The following PDE3A variants were observed in gnomAD, a reference collection of about 807,000 sequenced individuals.
The protein encoded by PDE3A is cGMP-inhibited 3',5'-cyclic phosphodiesterase 3A.
In PDE3A, 43 loss-of-function variants were observed where a neutral mutation model predicts 98.3. The ratio of observed to expected loss-of-function variants is 0.44; its 90% CI spans 0.34 to 0.56. The LOEUF (loss-of-function observed/expected upper bound fraction) is 0.56, where lower values mean the gene tolerates loss of function less well. Among genes scored for constraint, PDE3A ranks in the 20% least tolerant of loss-of-function variants. The pLI is 0.01. For synonymous variants in PDE3A, 663 were observed against 567.9 expected, an observed-to-expected ratio of 1.17 and a Z score of -2.38; for missense variants, 1,427 against 1,440.7, an observed-to-expected ratio of 0.99 and a Z score of 0.15.
At chr12:20,584,588 A>T (rs1247064398) in intron 2 of PDE3A, among the ~76,000 whole-genome samples, 2 of 152,166 alleles carry the variant, frequency 1.3e-5, no homozygotes, top group African/African-American at 4.8e-5. Flanking sequence ...ATTTTATTTT[A>T]AAAAAATTGA....
At chr12:20,404,826 G>GTCTT (rs1944201994) in intron 1 of PDE3A, among the ~76,000 whole-genome samples, 1 of 95,106 alleles carries the variant, frequency 1.1e-5, no homozygotes, top group Non-Finnish European at 1.9e-5. Flanking sequence ...AGGTTACAGA[G>GTCTT]TTTTTTTTTT....
intron 1 of PDE3A, among the ~76,000 whole-genome samples, chr12:20,553,250 CAT>C (rs1209676384): frequency 4.1e-5 from 5 of 121,056 alleles, no homozygotes; most frequent in Admixed American, 3.6e-4. Flanking sequence ...TCTTTGAAAA[CAT>C]AAAAGCCTGC....
chr12:20,664,049 G>GT (rs1238297101), intron 15 of PDE3A, among the ~76,000 whole-genome samples: 1 of 152,032 alleles, frequency 6.6e-6, no homozygotes, highest in Non-Finnish European at 1.5e-5. Context: ...AGATCTAATG[G>GT]TTTTGTAAGG....
At chr12:20,518,927 T>A (rs1290652910) in intron 1 of PDE3A, among the ~76,000 whole-genome samples, 1 of 152,326 alleles carries the variant, frequency 6.6e-6, no homozygotes, top group Middle Eastern at 3.4e-3. Flanking sequence ...AACTGAGGAA[T>A]TGAATTTTTT....
At chr12:20,388,571 A>T (rs1427520399) in intron 1 of PDE3A, among the ~76,000 whole-genome samples, 1 of 152,154 alleles carries the variant, frequency 6.6e-6, no homozygotes, top group Non-Finnish European at 1.5e-5. Flanking sequence ...CTTATAAAAC[A>T]TGTAGGAGGA....
chr12:20,655,534 C>T (rs540944492), intron 15 of PDE3A, among the ~76,000 whole-genome samples: 2 of 152,318 alleles, frequency 1.3e-5, no homozygotes, highest in South Asian at 4.2e-4. Flanking sequence ...CCTCATCCCA[C>T]TGTTCTGCTT....
chr12:20,441,594 G>A (rs1438628295), intron 1 of PDE3A, among the ~76,000 whole-genome samples: 1 of 152,180 alleles, frequency 6.6e-6, no homozygotes, highest in Non-Finnish European at 1.5e-5. Context: ...CAACTAATAT[G>A]TGGCAGCAGA....
chr12:20,660,367 T>G (rs1024874707), intron 15 of PDE3A, among the ~76,000 whole-genome samples: 1 of 151,974 alleles, frequency 6.6e-6, no homozygotes, highest in Non-Finnish European at 1.5e-5. Context: ...AGAAGTGGGG[T>G]GCTGATATAA....
intron 1 of PDE3A, among the ~76,000 whole-genome samples, chr12:20,446,304 C>A (rs543357074): frequency 1.3e-5 from 2 of 152,238 alleles, no homozygotes; most frequent in Non-Finnish European, 2.9e-5. Context: ...TGCTTTCAGA[C>A]GGTCATGTAT....
chr12:20,596,655 C>T (rs1475444935), intron 2 of PDE3A, among the ~76,000 whole-genome samples: 1 of 152,044 alleles, frequency 6.6e-6, no homozygotes, highest in Non-Finnish European at 1.5e-5. Context: ...GCTTAAGTAT[C>T]AGAAATAGAG....
intron 1 of PDE3A, among the ~76,000 whole-genome samples, chr12:20,520,105 G>T (rs1221335368): frequency 6.6e-6 from 1 of 152,110 alleles, no homozygotes; most frequent in South Asian, 2.1e-4. Flanking sequence ...ATAGTCATTG[G>T]TATCAGTAAT....
intron 15 of PDE3A, among the ~76,000 whole-genome samples, chr12:20,668,275 G>A (rs1945374502): frequency 6.6e-6 from 1 of 152,210 alleles, no homozygotes; most frequent in African/African-American, 2.4e-5. Context: ...CTGGGGGAGG[G>A]GCGCCCGCCA....
chr12:20,424,884 C>T (rs958084321), intron 1 of PDE3A, among the ~76,000 whole-genome samples: 22 of 152,246 alleles, frequency 1.4e-4, no homozygotes, highest in African/African-American at 5.3e-4. Context: ...AACACCCACA[C>T]TGTGTTCTGT....
intron 4 of PDE3A, among the ~76,000 whole-genome samples, chr12:20,620,731 G>A (rs1944111850): frequency 6.6e-6 from 1 of 151,888 alleles, no homozygotes; most frequent in Admixed American, 6.6e-5. Context: ...TTTAGCATCA[G>A]CTCCATTGTT....
At chr12:20,645,220 G>C (rs1265790577) in intron 10 of PDE3A, among the ~76,000 whole-genome samples, 1 of 152,024 alleles carries the variant, frequency 6.6e-6, no homozygotes, top group Non-Finnish European at 1.5e-5. Flanking sequence ...CTTCTGATGA[G>C]ATCTTTTCAA....
chr12:20,677,276 T>G (rs1405296674), intron 15 of PDE3A, among the ~76,000 whole-genome samples: 1 of 152,182 alleles, frequency 6.6e-6, no homozygotes, highest in African/African-American at 2.4e-5. Flanking sequence ...CTCACTGAGA[T>G]AGGCTTTAAT....
At chr12:20,409,182 A>C (rs1944289538) in intron 1 of PDE3A, among the ~76,000 whole-genome samples, 1 of 152,192 alleles carries the variant, frequency 6.6e-6, no homozygotes, top group African/African-American at 2.4e-5. Flanking sequence ...CTGGAATCTG[A>C]AAGTAATATT....
chr12:20,380,421 T>C (rs971136182), intron 1 of PDE3A, among the ~76,000 whole-genome samples: 6 of 151,842 alleles, frequency 4.0e-5, no homozygotes, highest in Non-Finnish European at 7.4e-5. Context: ...AATTTAGCTT[T>C]TCAGTCATTT....
At chr12:20,494,095 T>C (rs1945875720) in intron 1 of PDE3A, among the ~76,000 whole-genome samples, 2 of 152,214 alleles carry the variant, frequency 1.3e-5, no homozygotes, top group Admixed American at 6.5e-5. Flanking sequence ...TGGATTCAAG[T>C]GAAGCAAGTG....
Sources: allele counts gnomAD v4.1 joint callset (sites outside exome capture counted in the v4.1 genomes callset), GRCh38; gene constraint gnomAD v4.1.1; transcripts MANE v1.5; gene names NCBI Gene and HGNC (gene_info 2026-07-23, HGNC 2026-07-21).